Variants in DNM3 observed in about 807,000 individuals in gnomAD.
DNM3 encodes the protein dynamin-3.
In DNM3, 47 loss-of-function variants were observed where a neutral mutation model predicts 101.6. The ratio of observed to expected loss-of-function variants is 0.46; its 90% confidence interval spans 0.37 to 0.59. The LOEUF is 0.59. DNM3 is among the 20% of genes least tolerant of loss of function. The pLI is 0.00. For missense variants in DNM3, 849 were observed against 1,085.7 expected, an observed-to-expected ratio of 0.78 and a Z score of 3.06; for synonymous variants, 385 against 387.9, an observed-to-expected ratio of 0.99 and a Z score of 0.09.
chr1:172,008,314 C>T (rs191552108), intron 4 of DNM3, among the ~76,000 whole-genome samples: 102 of 151,908 alleles, frequency 6.7e-4, no homozygotes, highest in African/African-American at 1.8e-3. Context: ...CTGTTTTCTT[C>T]GAGTAGTTTT....
At chr1:171,973,138 G>A (rs909218527) in intron 2 of DNM3, among the ~76,000 whole-genome samples, 1 of 152,154 alleles carries the variant, frequency 6.6e-6, no homozygotes, top group East Asian at 1.9e-4. Flanking sequence ...AGGGATAGTG[G>A]TGCTGGTGGA....
intron 18 of DNM3, among the ~76,000 whole-genome samples, chr1:172,385,155 T>A (rs1236136694): frequency 6.6e-6 from 1 of 152,216 alleles, no homozygotes; most frequent in African/African-American, 2.4e-5. Context: ...ATAATGTCAT[T>A]GTATGTATCC....
chr1:172,141,247 A>C (rs1288396408), intron 14 of DNM3, among the ~76,000 whole-genome samples: 1 of 152,086 alleles, frequency 6.6e-6, no homozygotes, highest in Non-Finnish European at 1.5e-5. Context: ...AAAATGAGTA[A>C]ATATTTATTT....
At chr1:172,378,746 C>G (rs188412932) in intron 17 of DNM3, among the ~76,000 whole-genome samples, 3 of 152,114 alleles carry the variant, frequency 2.0e-5, no homozygotes, top group Non-Finnish European at 4.4e-5. Context: ...TTGTTAGGTA[C>G]ACTGTTTATT....
At chr1:172,219,944 T>C (rs915735455) in intron 14 of DNM3, among the ~76,000 whole-genome samples, 3 of 152,192 alleles carry the variant, frequency 2.0e-5, no homozygotes, top group African/African-American at 7.2e-5. Context: ...CAGGGAATTT[T>C]TTAAAAGAAA....
At chr1:172,371,249 T>C (rs969716534) in intron 17 of DNM3, among the ~76,000 whole-genome samples, 2 of 152,012 alleles carry the variant, frequency 1.3e-5, no homozygotes, top group African/African-American at 4.8e-5. Flanking sequence ...TTCTGAAGAT[T>C]GTCAGTGTTC....
At chr1:171,983,743 A>G (rs1019824516) in intron 2 of DNM3, among the ~76,000 whole-genome samples, 1 of 152,184 alleles carries the variant, frequency 6.6e-6, no homozygotes, top group African/African-American at 2.4e-5. Flanking sequence ...TACAAATTAG[A>G]AAAAGCTGCC....
At chr1:172,025,320 A>C (rs888766117) in intron 4 of DNM3, among the ~76,000 whole-genome samples, 2 of 152,068 alleles carry the variant, frequency 1.3e-5, no homozygotes, top group Non-Finnish European at 2.9e-5. Flanking sequence ...TTATAGATAA[A>C]ACTCCTATCT....
chr1:171,925,550 G>T (rs2040503859), intron 2 of DNM3, among the ~76,000 whole-genome samples: 1 of 152,114 alleles, frequency 6.6e-6, no homozygotes, highest in South Asian at 2.1e-4. Flanking sequence ...TTTTAATGGG[G>T]TTATTTGTTT....
intron 1 of DNM3, among the ~76,000 whole-genome samples, chr1:171,880,211 A>G (rs1571384635): frequency 6.6e-6 from 1 of 152,232 alleles, no homozygotes; most frequent in East Asian, 1.9e-4. Context: ...GAGTAAGGAA[A>G]CAATTTTCAG....
At chr1:172,155,449 A>G (rs1433842657) in intron 14 of DNM3, among the ~76,000 whole-genome samples, 2 of 151,880 alleles carry the variant, frequency 1.3e-5, no homozygotes, top group East Asian at 1.9e-4. Flanking sequence ...TATTTTATAT[A>G]CTCTTATTTA....
At position 171,939,925 on chromosome 1, in the gene DNM3, C is replaced by T. The variant is rs544656917; in HGVS notation, c.235+18104C>T. Among the ~76,000 whole-genome samples, 312 of 152,246 alleles carry T rather than the reference C, an allele frequency of 2.0e-3. 1 individual carries two copies. Among genetic ancestry groups the T allele is most frequent in the South Asian group, 8.9e-3 (43 of 4,812 alleles). On this transcript the variant is annotated intron_variant, in intron 2 of 20. Transcript: ENST00000627582. ...GTCTGGAAGGCATTGTCTCTGTCTT[C>T]CCTTCCTCAGGGGGCATGCTTTATC...
intron 13 of DNM3, among the ~76,000 whole-genome samples, chr1:172,106,438 G>GAAAGAGAGAAAT (rs1381924641): frequency 6.6e-6 from 1 of 151,912 alleles, no homozygotes; most frequent in African/African-American, 2.4e-5. Context: ...AAGAGAGAAA[G>GAAAGAGAGAAAT]AAAGAAAGAA....
intron 1 of DNM3, among the ~76,000 whole-genome samples, chr1:171,877,313 A>G (rs1165822995): frequency 1.3e-5 from 2 of 152,220 alleles, no homozygotes; most frequent in Non-Finnish European, 2.9e-5. Flanking sequence ...ATATTCTTAA[A>G]TGAAATGATT....
At chr1:172,403,190 A>AATTTT (rs1345663965) in intron 20 of DNM3, among the ~76,000 whole-genome samples, 2 of 152,216 alleles carry the variant, frequency 1.3e-5, no homozygotes, top group Non-Finnish European at 2.9e-5. Flanking sequence ...ACTGAACTAC[A>AATTTT]TAGGCCCATT....
intron 20 of DNM3, among the ~76,000 whole-genome samples, chr1:172,396,360 T>A (rs2069999754): frequency 1.3e-5 from 2 of 152,238 alleles, no homozygotes; most frequent in Non-Finnish European, 2.9e-5. Context: ...CAAATGTTCA[T>A]AAAATCAACT....
At chr1:172,089,191 T>G (rs1170155502) in intron 12 of DNM3, among the ~76,000 whole-genome samples, 1 of 152,238 alleles carries the variant, frequency 6.6e-6, no homozygotes, top group Non-Finnish European at 1.5e-5. Flanking sequence ...GGATTTTATT[T>G]TTTATTTGTT....
chr1:171,892,509 T>C (rs2037379396), intron 1 of DNM3, among the ~76,000 whole-genome samples: 1 of 152,226 alleles, frequency 6.6e-6, no homozygotes. Context: ...TAGACTGATG[T>C]CTCCAATTCT....
chr1:172,083,607 G>A (rs2053315072), intron 12 of DNM3, among the ~76,000 whole-genome samples: 1 of 152,138 alleles, frequency 6.6e-6, no homozygotes, highest in South Asian at 2.1e-4. Flanking sequence ...GGAAAATGTA[G>A]AAAAAGTCAT....
Sources: allele counts gnomAD v4.1 joint callset (sites outside exome capture counted in the v4.1 genomes callset), GRCh38; gene constraint gnomAD v4.1.1; transcripts MANE v1.5; gene names NCBI Gene and HGNC (gene_info 2026-07-23, HGNC 2026-07-21).